AP4E1: variants seen among roughly 807,000 people sequenced by gnomAD.
AP4E1 encodes AP-4 complex subunit epsilon-1.
AP4E1 carries 56 observed loss-of-function variants against 128.2 expected under a neutral mutation model. The observed-to-expected ratio is 0.44, with a 90% CI of 0.35 to 0.55. AP4E1 has a LOEUF of 0.55. AP4E1 is among the 20% of genes least tolerant of loss of function. The pLI is 0.00. For missense variants in AP4E1, 1,324 were observed against 1,307.7 expected, an observed-to-expected ratio of 1.01 and a Z score of -0.19; for synonymous variants, 484 against 473.1, an observed-to-expected ratio of 1.02 and a Z score of -0.30.
At chr15:50,998,329 G>A (rs1436998390) in intron 18 of AP4E1, among the ~76,000 whole-genome samples, 1 of 152,042 alleles carries the variant, frequency 6.6e-6, no homozygotes, top group Non-Finnish European at 1.5e-5. Flanking sequence ...GATACTAGAT[G>A]TGCTTTAGAA....
intron 7 of AP4E1, among the ~76,000 whole-genome samples, chr15:50,932,285 T>C (rs1457744377): frequency 1.3e-5 from 2 of 152,114 alleles, no homozygotes; most frequent in African/African-American, 4.8e-5. Flanking sequence ...GCCTCAATTT[T>C]GCCCTACTTT....
intron 10 of AP4E1, chr15:50,944,669 G>T (rs564234985): frequency 8.9e-5 from 37 of 415,066 alleles, no homozygotes; most frequent in Non-Finnish European, 1.5e-4. Flanking sequence ...AGATGAGGAT[G>T]AAGATACTGA....
rs74464352 is a variant in AP4E1 at position 50,969,470 on chromosome 15, A to G, written c.1966+1093A>G. Among the ~76,000 whole-genome samples, 85 of 151,796 alleles carry G rather than the reference A, an allele frequency of 5.6e-4. 1 individual carries two copies. The highest frequency in any genetic ancestry group is 2.0e-3 in the African/African-American group (82 of 41,338). On this transcript the variant is annotated intron_variant, in intron 15 of 20. Coordinates refer to ENST00000261842, the MANE Select transcript of AP4E1 (RefSeq NM_007347.5). ...CAGAAAACAACCCTGGTTACTATGG[A>G]CTAGTGAGCTTCATTTTTATTTTGA...
chr15:50,928,937 G>A (rs2063798614), intron 5 of AP4E1, 72 bp from the exon 6 acceptor site: 2 of 1,433,110 alleles, frequency 1.4e-6, no homozygotes, highest in Middle Eastern at 1.8e-4. Context: ...GAAATCATCT[G>A]GCCTATAATC....
chr15:50,952,977 A>G (rs1319490780), intron 13 of AP4E1, among the ~76,000 whole-genome samples: 1 of 152,076 alleles, frequency 6.6e-6, no homozygotes, highest in African/African-American at 2.4e-5. Context: ...TCATCCCAGC[A>G]CTTTGGGAGG....
Position 50,941,436 on chromosome 15 carries a change from T to A in AP4E1, c.944-6T>A, listed in dbSNP as rs775899244. ...ATACCTGCCATTTTTATGTTTCTTT[T>A]TCTAGCTATTTTGTTTGAATGTGTG... On this transcript the variant is annotated splice_polypyrimidine_tract_variant and splice_region_variant and intron_variant, in intron 8 of 20. Coordinates refer to ENST00000261842, the MANE Select transcript of AP4E1 (RefSeq NM_007347.5). 1.4e-5 allele frequency: 23 copies of A among 1,611,790 alleles called. No individual in the cohort carries two copies. Among genetic ancestry groups the A allele is most frequent in the Non-Finnish European group, 1.8e-5 (21 of 1,178,764 alleles).
chr15:50,952,571 A>C (rs1200834025), intron 13 of AP4E1, among the ~76,000 whole-genome samples: 3 of 151,546 alleles, frequency 2.0e-5, no homozygotes, highest in African/African-American at 7.3e-5. Flanking sequence ...TACTGTCCAT[A>C]CTCTGATTTA....
At chr15:50,962,341 C>G (rs911961654) in intron 14 of AP4E1, among the ~76,000 whole-genome samples, 2 of 152,012 alleles carry the variant, frequency 1.3e-5, no homozygotes, top group Non-Finnish European at 1.5e-5. Flanking sequence ...AGGCATCACA[C>G]TACCCAATTT....
At chr15:50,919,338 G>A (rs994242227) in intron 3 of AP4E1, among the ~76,000 whole-genome samples, 2 of 151,788 alleles carry the variant, frequency 1.3e-5, no homozygotes, top group African/African-American at 4.8e-5. Context: ...TATGAGACCA[G>A]CCTGACCAAC....
At chr15:50,976,568 G>T (rs1237181458) in intron 15 of AP4E1, among the ~76,000 whole-genome samples, 1 of 152,086 alleles carries the variant, frequency 6.6e-6, no homozygotes, top group African/African-American at 2.4e-5. Flanking sequence ...TATTCAGATT[G>T]GAAAGGAAAA....
intron 3 of AP4E1, among the ~76,000 whole-genome samples, chr15:50,918,674 T>G (rs565776226): frequency 1.0e-3 from 153 of 152,286 alleles, no homozygotes; most frequent in African/African-American, 3.6e-3. Flanking sequence ...TTCCATTGTT[T>G]TATTTTGAAA....
chr15:50,969,939 G>A (rs990917128), intron 15 of AP4E1, among the ~76,000 whole-genome samples: 6 of 152,252 alleles, frequency 3.9e-5, no homozygotes, highest in East Asian at 1.9e-4. Flanking sequence ...GACTACCGGC[G>A]TGAGCCACCA....
At chr15:50,983,970 G>GT (rs2064679266) in intron 15 of AP4E1, 52 bp from the exon 16 acceptor site, 3 of 1,586,858 alleles carry the variant, frequency 1.9e-6, no homozygotes, top group South Asian at 1.1e-5. Flanking sequence ...AACTTTGACA[G>GT]TTTTTTGCTT....
At chr15:50,931,436 C>A (rs533323453) in intron 7 of AP4E1, among the ~76,000 whole-genome samples, 1 of 152,040 alleles carries the variant, frequency 6.6e-6, no homozygotes, top group Non-Finnish European at 1.5e-5. Context: ...CACAGTGGCG[C>A]GCGCCTGTAA....
intron 10 of AP4E1, among the ~76,000 whole-genome samples, chr15:50,943,417 A>G (rs1199431506): frequency 3.3e-5 from 5 of 152,140 alleles, no homozygotes; most frequent in Non-Finnish European, 7.4e-5. Context: ...CTTCATATAT[A>G]TTTATTTATT....
Position 50,912,068 on chromosome 15 carries a change from A to T in AP4E1, c.151-10A>T. Reference sequence around the variant, plus strand: ...GTTAATCAAGCATTTAAATATTTTCACTTTCTCAGGAAGAAGAAAAATTAA... The same window carrying T: ...GTTAATCAAGCATTTAAATATTTTCTCTTTCTCAGGAAGAAGAAAAATTAA... On this transcript the variant is annotated splice_polypyrimidine_tract_variant and intron_variant, in intron 1 of 20. Coordinates refer to ENST00000261842, the MANE Select transcript of AP4E1 (RefSeq NM_007347.5). 6.2e-7 allele frequency: 1 copy of T among 1,610,822 alleles called. No homozygotes were observed. Among genetic ancestry groups the T allele is most frequent in the Non-Finnish European group, 8.5e-7 (1 of 1,177,024 alleles).
chr15:50,926,754 A>G (rs1190048696), intron 5 of AP4E1, among the ~76,000 whole-genome samples: 2 of 151,838 alleles, frequency 1.3e-5, no homozygotes, highest in East Asian at 3.9e-4. Context: ...GCCCGCCACT[A>G]TGCCTGGCTA....
At chr15:50,996,471 A>T (rs1040867375) in intron 17 of AP4E1, among the ~76,000 whole-genome samples, 5 of 152,174 alleles carry the variant, frequency 3.3e-5, no homozygotes, top group Non-Finnish European at 7.3e-5. Flanking sequence ...GACAAAAATC[A>T]TCTGTTCAGA....
At chr15:50,965,002 C>T (rs1303144228) in intron 14 of AP4E1, among the ~76,000 whole-genome samples, 2 of 148,486 alleles carry the variant, frequency 1.3e-5, no homozygotes, top group Admixed American at 1.3e-4. Flanking sequence ...CTGGACTTTC[C>T]CTTTCGCTCC....
Sources: allele counts gnomAD v4.1 joint callset (sites outside exome capture counted in the v4.1 genomes callset), GRCh38; gene constraint gnomAD v4.1.1; transcripts MANE v1.5; gene names NCBI Gene and HGNC (gene_info 2026-07-23, HGNC 2026-07-21).